NKX6-1: variants seen among roughly 807,000 people sequenced by gnomAD.
The protein encoded by NKX6-1 is NK6 homeobox 1.
In NKX6-1, 11 loss-of-function variants were observed where a neutral mutation model predicts 24.9. The observed-to-expected ratio is 0.44, with a 90% CI of 0.28 to 0.73. NKX6-1 has a LOEUF of 0.73. Among genes scored for constraint, NKX6-1 ranks in the 30% least tolerant of loss-of-function variants. NKX6-1 has a pLI of 0.15. For missense variants in NKX6-1, 487 were observed against 502.9 expected (o/e 0.97, Z 0.30); for synonymous variants, 277 against 242.9 (o/e 1.14, Z -1.31).
rs1720853827 is a variant in NKX6-1, at chr4:84,497,857, G to C, written c.372C>G (p.Ser124=). The change falls in exon 1 of 3, where the codon TCC becomes TCG. Residue 124 remains serine (S), a synonymous_variant. Coordinates refer to ENST00000295886, the MANE Select transcript of NKX6-1 (RefSeq NM_006168.3). The surrounding 1 kb of genome is among the most constrained non-coding windows in gnomAD (Gnocchi z 4.8). ...CAGAGGCGGACGAGGAAGAGGAGGAGGAGGAACCGGAGGGCGAGGCGGAGG... is the reference window on the plus strand; with the variant it reads ...CAGAGGCGGACGAGGAAGAGGAGGACGAGGAACCGGAGGGCGAGGCGGAGG... The part of the protein sequence containing the change: ...ALPSASPSGS[S]SSSSSSASAS... 1 of 1,275,106 alleles carries C rather than the reference G, an allele frequency of 7.8e-7. No individual in the cohort carries two copies. Among genetic ancestry groups the C allele is most frequent in the Admixed American group, 4.0e-5 (1 of 24,982 alleles). 79.0% of individuals were successfully genotyped at this position (1,275,106 alleles called of 1,614,324 possible).
At position 84,493,176 on chromosome 4, in the gene NKX6-1, C is replaced by T; in HGVS notation, c.*113G>A. The T allele has an allele frequency of 2.0e-6, 2 of 988,476 alleles. No individual in the cohort carries two copies. Among genetic ancestry groups the T allele is most frequent in the Non-Finnish European group, 2.7e-6 (2 of 738,942 alleles). 61.2% of individuals were successfully genotyped at this position (988,476 alleles called of 1,614,324 possible). On this transcript the variant is annotated 3_prime_UTR_variant, in exon 3 of 3. Coordinates refer to ENST00000295886, the MANE Select transcript of NKX6-1 (RefSeq NM_006168.3). The surrounding 1 kb of genome is among the most constrained non-coding windows in gnomAD (Gnocchi z 5.1). The stretch of plus-strand genomic sequence containing the variant: ...AGCAAAGGGTCCCCGCAGGCAGGGC[C>T]GGGTCCTCCGGGCCCCGAGGAGCGG...
Position 84,497,710 on chromosome 4 carries a change from GGGCGGC to G in NKX6-1, c.513_518del (p.Pro172_Pro173del). 7.9e-7 allele frequency: 1 copy of G among 1,262,664 alleles called. No homozygotes were observed. Among genetic ancestry groups the G allele is most frequent in the Non-Finnish European group, 1.0e-6 (1 of 1,001,214 alleles). The allele number at this position is 1,262,664 out of a possible 1,614,324, so 78.2% of individuals were successfully genotyped here. The stretch of plus-strand genomic sequence containing the variant: ...CGGCGCTGGGGCTGAAGTAGAGCCC[GGGCGGC>G]GGCGGCGGCGGGCTCAGGCTGCTAA... On this transcript the variant is annotated inframe_deletion, in exon 1 of 3. Coordinates refer to ENST00000295886, the MANE Select transcript of NKX6-1 (RefSeq NM_006168.3). The surrounding 1 kb of genome is among the most constrained non-coding windows in gnomAD (Gnocchi z 4.8).
At chr4:84,495,987 C>A (rs1259023854) in intron 1 of NKX6-1, 143 bp from the exon 2 acceptor site, 2 of 771,250 alleles carry the variant, frequency 2.6e-6, no homozygotes, top group Admixed American at 2.8e-5. Context: ...AGTGTAGTGG[C>A]GCTTCCAGAC....
rs750251072 is a variant in NKX6-1, at chr4:84,493,472, G to T, written c.921C>A (p.Asp307Glu). ...AEMATAKKKQ[D>E]SETERLKGAS... Reference sequence around the variant, plus strand: ...CCCCCTTGAGGCGCTCTGTCTCCGAGTCCTGCTTCTTCTTGGCCGTGGCCA... The same window carrying T: ...CCCCCTTGAGGCGCTCTGTCTCCGATTCCTGCTTCTTCTTGGCCGTGGCCA... Residue 307 changes from aspartate (D) to glutamate (E), a missense_variant, in exon 3 of 3, where the codon GAC (aspartate) becomes GAA (glutamate). Physicochemically the swap from Asp to Glu is conservative, Grantham distance 45. This residue lies in a region of NKX6-1 where 126 missense variants were observed against 105.5 expected (regional missense o/e 1.19). Transcript: ENST00000295886. The surrounding 1 kb of genome is among the most constrained non-coding windows in gnomAD (Gnocchi z 5.1). The T allele has an allele frequency of 1.2e-6, 2 of 1,614,256 alleles. No homozygotes were observed. Among genetic ancestry groups the T allele is most frequent in the Non-Finnish European group, 8.5e-7 (1 of 1,180,044 alleles).
At chr4:84,494,943 C>G (rs1720789807) in intron 2 of NKX6-1, among the ~76,000 whole-genome samples, 1 of 152,150 alleles carries the variant, frequency 6.6e-6, no homozygotes. Context: ...GAAAAAATTT[C>G]TGAAATTTGT....
chr4:84,497,539 G>A lies in NKX6-1; in HGVS notation c.670+20C>T. On this transcript the variant is annotated intron_variant, in intron 1 of 2. Transcript: ENST00000295886. The surrounding 1 kb of genome is among the most constrained non-coding windows in gnomAD (Gnocchi z 4.8). The stretch of plus-strand genomic sequence containing the variant: ...ACAGGCACGGCAGGCAGGCATCGGG[G>A]CGCGGGTGGTAGTACTCACGAGGGG... 3 of 1,254,282 alleles carry A rather than the reference G, an allele frequency of 2.4e-6. No homozygotes were observed. Among genetic ancestry groups the A allele is most frequent in the Non-Finnish European group, 2.0e-6 (2 of 991,886 alleles). The allele number at this position is 1,254,282 out of a possible 1,614,324, so 77.7% of individuals were successfully genotyped here. A position where few individuals can be genotyped will look rare whatever the true frequency, so the allele number is the denominator to read the frequency against.
Position 84,498,076 on chromosome 4 carries a change from C to G in NKX6-1, c.153G>C (p.Ser51=), listed in dbSNP as rs532895545. ...PPLPAGPPSS[S]SSSSSSSSPS... ...GCGACGAGGAGGACGACGACGAGGA[C>G]GAGGAGGAGGGGGGGCCGGCAGGCA... The change falls in exon 1 of 3, where the codon TCG becomes TCC. Residue 51 remains serine, a synonymous_variant. Transcript: ENST00000295886. The G allele has an allele frequency of 2.7e-6, 3 of 1,122,186 alleles. No homozygotes were observed. The highest frequency in any genetic ancestry group is 4.1e-5 in the South Asian group (1 of 24,522). The allele number at this position is 1,122,186 out of a possible 1,614,324, so 69.5% of individuals were successfully genotyped here. A position where few individuals can be genotyped will look rare whatever the true frequency, so the allele number is the denominator to read the frequency against.
intron 2 of NKX6-1, among the ~76,000 whole-genome samples, chr4:84,494,458 A>C (rs1395659791): frequency 6.6e-6 from 1 of 152,246 alleles, no homozygotes; most frequent in African/African-American, 2.4e-5. Flanking sequence ...TATTTCCCAA[A>C]GATATTGAAT....
Position 84,498,106 on chromosome 4 carries a change from G to T in NKX6-1, c.123C>A (p.Pro41=). Residue 41 remains proline, a synonymous_variant, in exon 1 of 3, where the codon CCC becomes CCA. Transcript: ENST00000295886. ...MKTPLYPAAY[P]PLPAGPPSSS... ...AGGAGGGGGGGCCGGCAGGCAGCGG[G>T]GGATACGCGGCAGGGTACAGCGGGG... 2 of 1,276,640 alleles carry T rather than the reference G, an allele frequency of 1.6e-6. No individual in the cohort carries two copies. The highest frequency in any genetic ancestry group is 2.0e-6 in the Non-Finnish European group (2 of 1,011,730). The allele number at this position is 1,276,640 out of a possible 1,614,324, so 79.1% of individuals were successfully genotyped here. A position where few individuals can be genotyped will look rare whatever the true frequency, so the allele number is the denominator to read the frequency against.
rs899383354 is a variant in NKX6-1, at chr4:84,497,839, G to A, written c.390C>T (p.Ser130=). The change falls in exon 1 of 3, where the codon TCC becomes TCT. Residue 130 remains serine (S), a synonymous_variant. Coordinates refer to ENST00000295886, the MANE Select transcript of NKX6-1 (RefSeq NM_006168.3). The surrounding 1 kb of genome is among the most constrained non-coding windows in gnomAD (Gnocchi z 4.8). The part of the protein sequence containing the change: ...PSGSSSSSSS[S]ASASSASAAA... Reference sequence around the variant, plus strand: ...CGGCAGAGGCGGAGGAGGCAGAGGCGGACGAGGAAGAGGAGGAGGAGGAAC... The same window carrying A: ...CGGCAGAGGCGGAGGAGGCAGAGGCAGACGAGGAAGAGGAGGAGGAGGAAC... The A allele has an allele frequency of 9.4e-6, 12 of 1,271,068 alleles. No individual in the cohort carries two copies. Among genetic ancestry groups the A allele is most frequent in the African/African-American group, 3.1e-5 (2 of 64,726 alleles). The allele number at this position is 1,271,068 out of a possible 1,614,324, so 78.7% of individuals were successfully genotyped here.
At chr4:84,495,627 G>A (rs1456430406) in intron 2 of NKX6-1, 45 bp downstream of exon 2, 1 of 1,561,622 alleles carries the variant, frequency 6.4e-7, no homozygotes, top group Non-Finnish European at 8.8e-7. Context: ...ACGCGCGCGC[G>A]ACAGGGGCGG....
chr4:84,493,078 C>T lies in NKX6-1; in HGVS notation c.*211G>A. 2.5e-6 allele frequency: 1 copy of T among 400,758 alleles called. No homozygotes were observed. The highest frequency in any genetic ancestry group is 4.3e-6 in the Non-Finnish European group (1 of 232,926). The allele number at this position is 400,758 out of a possible 1,614,324, so 24.8% of individuals were successfully genotyped here. A position where few individuals can be genotyped will look rare whatever the true frequency, so the allele number is the denominator to read the frequency against. On this transcript the variant is annotated 3_prime_UTR_variant, in exon 3 of 3. Coordinates refer to ENST00000295886, the MANE Select transcript of NKX6-1 (RefSeq NM_006168.3). This position sits in a 1 kb window ranked among gnomAD's most constrained non-coding sequence, Gnocchi z 5.1. ...GGTGGTCTTTCTTGCCTTATCAACC[C>T]CGGAGTCTCTCTCCCCTACATCCCC...
rs1405772884 is a variant in NKX6-1 at position 84,498,166 on chromosome 4, G to A, written c.63C>T (p.Pro21=). 7.7e-6 allele frequency: 10 copies of A among 1,297,292 alleles called. No individual in the cohort carries two copies. The highest frequency in any genetic ancestry group is 9.8e-6 in the Non-Finnish European group (10 of 1,022,654). 80.4% of individuals were successfully genotyped at this position (1,297,292 alleles called of 1,614,324 possible). The change falls in exon 1 of 3, where the codon CCC becomes CCT. Residue 21 remains proline, a synonymous_variant. Transcript: ENST00000295886. ...CGGCCATGCTGTGCAGGGCGGCCAGGGGAGGGCTGCTGAGCAGGAATGCGC... is the reference window on the plus strand; with the variant it reads ...CGGCCATGCTGTGCAGGGCGGCCAGAGGAGGGCTGCTGAGCAGGAATGCGC... ...RQSAFLLSSP[P]LAALHSMAEM...
Position 84,493,327 on chromosome 4 carries a change from G to C in NKX6-1, c.1066C>G (p.Leu356Val), listed in dbSNP as rs1553928106. ...TCCGGCTCGGACGCGTGCAGTAGGAGGCCGCCGCCGCCGCCGCTGCTGGAC... is the reference window on the plus strand; with the variant it reads ...TCCGGCTCGGACGCGTGCAGTAGGACGCCGCCGCCGCCGCCGCTGCTGGAC... ...HKSSSGGGGG[L>V]LLHASEPESS... Residue 356 changes from leucine to valine, a missense_variant, in exon 3 of 3, where the codon CTC becomes GTC. By Grantham distance (32) the Leu-to-Val change is conservative. Coordinates refer to ENST00000295886, the MANE Select transcript of NKX6-1 (RefSeq NM_006168.3). The surrounding 1 kb of genome is among the most constrained non-coding windows in gnomAD (Gnocchi z 5.1). The C allele has an allele frequency of 6.2e-7, 1 of 1,611,906 alleles. No individual in the cohort carries two copies. Among genetic ancestry groups the C allele is most frequent in the South Asian group, 1.1e-5 (1 of 90,978 alleles).
chr4:84,493,133 T>TA lies in NKX6-1; in HGVS notation c.*155dup. ...ACAACTTCAAGGTTAAAAAAATAGA[T>TA]ATGTACATCTCAAAAATAGCAAAGG... On this transcript the variant is annotated 3_prime_UTR_variant, in exon 3 of 3. Transcript: ENST00000295886. This position sits in a 1 kb window ranked among gnomAD's most constrained non-coding sequence, Gnocchi z 5.1. 1.7e-6 allele frequency: 1 copy of TA among 585,314 alleles called. No homozygotes were observed. The highest frequency in any genetic ancestry group is 2.6e-6 in the Non-Finnish European group (1 of 380,872). The allele number at this position is 585,314 out of a possible 1,614,324, so 36.3% of individuals were successfully genotyped here.
In NKX6-1 at chr4:84,493,029, T is replaced by C; in HGVS notation, c.*260A>G. On this transcript the variant is annotated 3_prime_UTR_variant, in exon 3 of 3. Transcript: ENST00000295886. The surrounding 1 kb of genome is among the most constrained non-coding windows in gnomAD (Gnocchi z 5.1). ...ACCGTGGCCCGGCTGCGGGTTTCAGTAGCGACATTTACGCAGTGCATTTGG... is the reference window on the plus strand; with the variant it reads ...ACCGTGGCCCGGCTGCGGGTTTCAGCAGCGACATTTACGCAGTGCATTTGG... 1 of 277,206 alleles carries C rather than the reference T, an allele frequency of 3.6e-6. No individual in the cohort carries two copies. The highest frequency in any genetic ancestry group is 6.7e-6 in the Non-Finnish European group (1 of 150,092). The allele number at this position is 277,206 out of a possible 1,614,324, so 17.2% of individuals were successfully genotyped here.
At chr4:84,494,348 T>C (rs766274793) in intron 2 of NKX6-1, among the ~76,000 whole-genome samples, 7 of 152,220 alleles carry the variant, frequency 4.6e-5, no homozygotes, top group Non-Finnish European at 1.0e-4. Context: ...CAAATGTTAT[T>C]TTAACTGTGT....
chr4:84,498,167 G>C lies in NKX6-1; in HGVS notation c.62C>G (p.Pro21Arg). 1 of 1,297,556 alleles carries C rather than the reference G, an allele frequency of 7.7e-7. No homozygotes were observed. The highest frequency in any genetic ancestry group is 9.8e-7 in the Non-Finnish European group (1 of 1,022,762). 80.4% of individuals were successfully genotyped at this position (1,297,556 alleles called of 1,614,324 possible). The change falls in exon 1 of 3, where the codon CCC becomes CGC. Residue 21 changes from proline (P) to arginine (R), a missense_variant. Around this residue, in one of 3 missense-constraint regions of NKX6-1, gnomAD observed 316 missense variants for 311.4 expected, o/e 1.01. Transcript: ENST00000295886. ...RQSAFLLSSP[P>R]LAALHSMAEM... ...GGCCATGCTGTGCAGGGCGGCCAGG[G>C]GAGGGCTGCTGAGCAGGAATGCGCT...
Position 84,495,678 on chromosome 4 carries a change from C to G in NKX6-1, c.837G>C (p.Gln279His). The G allele has an allele frequency of 1.2e-6, 2 of 1,612,234 alleles. No homozygotes were observed. The highest frequency in any genetic ancestry group is 1.7e-6 in the Non-Finnish European group (2 of 1,179,928). The change falls in exon 2 of 3, where the codon CAG (glutamine) becomes CAC (histidine). Residue 279 changes from glutamine (Q) to histidine (H), a missense_variant. Physicochemically the swap from Gln to His is conservative, Grantham distance 24. Around this residue, in one of 3 missense-constraint regions of NKX6-1, gnomAD observed 45 missense variants for 86.0 expected, o/e 0.52. Coordinates refer to ENST00000295886, the MANE Select transcript of NKX6-1 (RefSeq NM_006168.3). ...LAYSLGMTESQVKVWFQNRRT... is the reference protein window; with the variant it reads ...LAYSLGMTESHVKVWFQNRRT... Reference sequence around the variant, plus strand: ...GTATGCAAGGTCCACTCACCTTGACCTGACTCTCTGTCATCCCCAACGAAT... The same window carrying G: ...GTATGCAAGGTCCACTCACCTTGACGTGACTCTCTGTCATCCCCAACGAAT...
Sources: gnomAD v4.1 joint callset for allele counts (sites outside exome capture counted in the v4.1 genomes callset) on GRCh38, gnomAD v4.1.1 for gene constraint, gnomAD v4.1.1 regional missense constraint, Gnocchi (gnomAD v3.1) non-coding constraint, MANE v1.5 for transcripts, NCBI Gene and HGNC (gene_info 2026-07-23, HGNC 2026-07-21) for gene names.